PLEC: variants seen among roughly 807,000 people sequenced by gnomAD.
PLEC encodes the protein plectin, also known as hemidesmosomal protein 1.
In PLEC, 216 loss-of-function variants were observed where a neutral mutation model predicts 392.8. The ratio of observed to expected loss-of-function variants is 0.55; its 90% CI spans 0.49 to 0.62. The LOEUF (loss-of-function observed/expected upper bound fraction) is 0.62, where lower values mean the gene tolerates loss of function less well. PLEC is among the 20% of genes least tolerant of loss of function. The probability of loss-of-function intolerance (pLI) is 0.00; values close to 1 mark genes in which losing one functional copy is unlikely to be tolerated. For missense variants in PLEC, 6,863 were observed against 6,563.4 expected (o/e 1.05, Z -1.58); for synonymous variants, 3,621 against 2,980.6 (o/e 1.21, Z -7.00).
chr8:143,934,504 G>T, intron 10 of PLEC, 59 bp from the exon 11 acceptor site: 2 of 1,605,822 alleles, frequency 1.2e-6, no homozygotes, highest in Non-Finnish European at 1.7e-6. Context: ...GGGGCGCTGG[G>T]CCTTCAGACC....
chr8:143,966,678 T>A (rs1023003102), intron 1 of PLEC, among the ~76,000 whole-genome samples: 1 of 151,152 alleles, frequency 6.6e-6, no homozygotes, highest in African/African-American at 2.4e-5. Context: ...AAGCAACACA[T>A]AGTCCCCGCG....
chr8:143,970,948 A>G (rs1554744060), intron 1 of PLEC, among the ~76,000 whole-genome samples: 1 of 152,230 alleles, frequency 6.6e-6, no homozygotes, highest in Non-Finnish European at 1.5e-5. Flanking sequence ...CTCTCCCGCC[A>G]CAGGCTGCAG....
intron 1 of PLEC, among the ~76,000 whole-genome samples, chr8:143,946,815 C>T (rs963540899): frequency 6.2e-5 from 9 of 145,736 alleles, no homozygotes; most frequent in South Asian, 2.2e-4. Context: ...AGGAGCCAGG[C>T]GGGAGCAGAG....
Position 143,922,606 on chromosome 8 carries a change from A to G in PLEC, c.7323T>C (p.Ser2441=), listed in dbSNP as rs1823236604. Residue 2441 remains serine (S), a synonymous_variant, in exon 31 of 32, where the codon AGT becomes AGC. Coordinates refer to ENST00000345136, the MANE Select transcript of PLEC (RefSeq NM_201384.3). ...VQTLEIQRQQ[S]DHDAERLREA... ...CCCGCAGGCGCTCGGCATCATGGTC[A>G]CTCTGCTGTCGCTGGATCTCCAGTG... 2 of 1,613,356 alleles carry G rather than the reference A, an allele frequency of 1.2e-6. No homozygotes were observed. The highest frequency in any genetic ancestry group is 8.5e-7 in the Non-Finnish European group (1 of 1,179,934).
rs1554691221 is a variant in PLEC at position 143,923,038 on chromosome 8, T to C, written c.6891A>G (p.Ala2297=). The C allele has an allele frequency of 6.2e-7, 1 of 1,611,192 alleles. No individual in the cohort carries two copies. Among genetic ancestry groups the C allele is most frequent in the African/African-American group, 1.3e-5 (1 of 74,918 alleles). ...AQEAARLRQL[A]EEDLAQQRAL... is the part of the protein sequence containing the mutation. ...CCCGCTGCTGTGCCAGGTCCTCCTC[T>C]GCCAGCTGCCGCAGTCGCGCAGCCT... Residue 2297 remains alanine, a synonymous_variant, in exon 31 of 32, where the codon GCA becomes GCG. Coordinates refer to ENST00000345136, the MANE Select transcript of PLEC (RefSeq NM_201384.3).
chr8:143,929,180 G>T lies in PLEC; in HGVS notation c.3183C>A (p.Pro1061=), dbSNP rs1554710370. ...TCAGCTCCAGCTCCGAGCGCAGCGT[G>T]GGGGCCGCAGGCGATGGCTCTGGTA... ...LALPEPSPAA[P]TLRSELELTL... The change falls in exon 25 of 32, where the codon CCC becomes CCA. Residue 1061 remains proline (P), a synonymous_variant. Coordinates refer to ENST00000345136, the MANE Select transcript of PLEC (RefSeq NM_201384.3). The T allele has an allele frequency of 1.9e-6, 3 of 1,597,986 alleles. No individual in the cohort carries two copies. Among genetic ancestry groups the T allele is most frequent in the South Asian group, 1.1e-5 (1 of 89,048 alleles).
intron 1 of PLEC, among the ~76,000 whole-genome samples, chr8:143,963,112 T>C (rs1004249182): frequency 1.3e-5 from 2 of 152,186 alleles, no homozygotes; most frequent in Non-Finnish European, 2.9e-5. Flanking sequence ...CCTGGCTCCC[T>C]GTGACATACA....
intron 3 of PLEC, 113 bp from the exon 4 acceptor site, chr8:143,937,355 C>T: frequency 2.6e-6 from 2 of 780,422 alleles, no homozygotes; most frequent in South Asian, 3.0e-5. Context: ...CAGGGGGCAG[C>T]AGCCCCTCAT....
intron 30 of PLEC, 135 bp downstream of exon 30, chr8:143,926,649 G>A: frequency 2.5e-6 from 2 of 798,738 alleles, no homozygotes; most frequent in Non-Finnish European, 2.2e-6. Context: ...TGGGGGCAGG[G>A]GGTGCTGGCA....
At chr8:143,972,636 T>C (rs1833488814) in intron 1 of PLEC, among the ~76,000 whole-genome samples, 2 of 152,066 alleles carry the variant, frequency 1.3e-5, no homozygotes, top group African/African-American at 4.8e-5. Flanking sequence ...AGCAGCTCAG[T>C]CCCTTGCTCC....
At chr8:143,946,562 C>G (rs186876273) in intron 1 of PLEC, 80 of 395,846 alleles carry the variant, frequency 2.0e-4, no homozygotes, top group South Asian at 1.5e-3. Context: ...AGCCGACTGA[C>G]GGGTCAGACC....
chr8:143,929,345 C>T lies in PLEC; in HGVS notation c.3082-64G>A. 3.2e-6 allele frequency: 5 copies of T among 1,582,158 alleles called. No individual in the cohort carries two copies. The South Asian group carries it at 5.6e-5, about 18-fold the overall frequency. On this transcript the variant is annotated intron_variant, in intron 24 of 31. Transcript: ENST00000345136. Reference sequence around the variant, plus strand: ...CGCAGCACACAGCGCCCCTTGAAGGCCAAAGGAGGGAGGGTGGGAGGAGGG... The same window carrying T: ...CGCAGCACACAGCGCCCCTTGAAGGTCAAAGGAGGGAGGGTGGGAGGAGGG...
chr8:143,941,404 C>T (rs553966394), upstream of PLEC, among the ~76,000 whole-genome samples: 37 of 152,022 alleles, frequency 2.4e-4, no homozygotes, highest in Non-Finnish European at 4.7e-4. Context: ...CCAAAGATGC[C>T]GCCCTGGGCC....
chr8:143,963,076 T>C (rs900357076), intron 1 of PLEC, among the ~76,000 whole-genome samples: 7 of 152,136 alleles, frequency 4.6e-5, no homozygotes, highest in Non-Finnish European at 8.8e-5. Flanking sequence ...CCAGGGAGGA[T>C]CCGAGTGAAC....
chr8:143,944,668 G>T (rs782207101), intron 1 of PLEC: 5 of 1,339,054 alleles, frequency 3.7e-6, no homozygotes, highest in Non-Finnish European at 3.9e-6. Context: ...CTTCATCGGG[G>T]ACGGTGGCAG....
chr8:143,947,053 A>ATCTACAGAAATCCCGCAAACGGGTGAC (rs1831579180), intron 1 of PLEC, among the ~76,000 whole-genome samples: 2 of 152,194 alleles, frequency 1.3e-5, no homozygotes, highest in Admixed American at 1.3e-4. Flanking sequence ...CCTGCCGGCG[A>ATCTACAGAAATCCCGCAAACGGGTGAC]TCTACAGAAA....
chr8:143,939,725 C>A (rs4073081), upstream of PLEC: 13 of 1,165,006 alleles, frequency 1.1e-5, no homozygotes, highest in Non-Finnish European at 1.4e-5. Flanking sequence ...CAGCCCCCTC[C>A]CCCACAGACA....
upstream of PLEC, chr8:143,944,546 A>G: frequency 1.6e-6 from 1 of 633,560 alleles, no homozygotes; most frequent in Non-Finnish European, 2.5e-6. Context: ...GTGCAGGGCG[A>G]GGGACAGCGC....
intron 1 of PLEC, among the ~76,000 whole-genome samples, chr8:143,964,239 G>A (rs1832986800): frequency 6.6e-6 from 1 of 152,226 alleles, no homozygotes; most frequent in Non-Finnish European, 1.5e-5. Flanking sequence ...ACTGTAGTGG[G>A]TTGAATGGAG....
Sources: gnomAD v4.1 joint callset for allele counts (sites outside exome capture counted in the v4.1 genomes callset) on GRCh38, gnomAD v4.1.1 for gene constraint, MANE v1.5 for transcripts, NCBI Gene and HGNC (gene_info 2026-07-23, HGNC 2026-07-21) for gene names.